Variants in GRIK2 observed in about 807,000 individuals in gnomAD.
The protein encoded by GRIK2 is glutamate receptor ionotropic, kainate 2.
In GRIK2, 32 loss-of-function variants were observed where a neutral mutation model predicts 100.3. That is an observed-to-expected ratio of 0.32 (90% CI 0.24 to 0.43). The LOEUF (loss-of-function observed/expected upper bound fraction) is 0.43, where lower values mean the gene tolerates loss of function less well. Ranked by LOEUF, GRIK2 falls within the 20% of genes least tolerant of loss-of-function variation. The probability of loss-of-function intolerance (pLI) is 1.00; values close to 1 mark genes in which losing one functional copy is unlikely to be tolerated. For missense variants in GRIK2, 843 were observed against 1,114.9 expected (o/e 0.76, Z 3.47); for synonymous variants, 417 against 389.4 (o/e 1.07, Z -0.83).
chr6:101,998,626 T>C (rs1582692382), intron 14 of GRIK2, among the ~76,000 whole-genome samples: 1 of 152,116 alleles, frequency 6.6e-6, no homozygotes, highest in East Asian at 1.9e-4. Flanking sequence ...GGTTCTAAGA[T>C]TCATTTTGAG....
intron 2 of GRIK2, among the ~76,000 whole-genome samples, chr6:101,480,253 A>G (rs1238797020): frequency 8.5e-5 from 13 of 152,184 alleles, no homozygotes; most frequent in Non-Finnish European, 2.9e-5. Flanking sequence ...TCTCAAGAGC[A>G]GTAAACTTTC....
chr6:101,718,209 C>T (rs905076354), intron 7 of GRIK2, among the ~76,000 whole-genome samples: 5 of 151,642 alleles, frequency 3.3e-5, no homozygotes, highest in Non-Finnish European at 5.9e-5. Context: ...ATTCTAGTTG[C>T]CCTTTAAGAA....
chr6:101,604,398 T>C (rs1779356093), intron 2 of GRIK2, among the ~76,000 whole-genome samples: 1 of 151,894 alleles, frequency 6.6e-6, no homozygotes, highest in Admixed American at 6.6e-5. Flanking sequence ...TTTGCCCTTC[T>C]GCAGTCATGA....
intron 2 of GRIK2, among the ~76,000 whole-genome samples, chr6:101,416,399 G>A (rs1776142151): frequency 6.6e-6 from 1 of 152,188 alleles, no homozygotes; most frequent in African/African-American, 2.4e-5. Flanking sequence ...TCTCCTCAGT[G>A]TCAGTACTGG....
At chr6:101,854,423 C>A (rs1024262350) in intron 10 of GRIK2, among the ~76,000 whole-genome samples, 3 of 152,026 alleles carry the variant, frequency 2.0e-5, no homozygotes, top group African/African-American at 7.2e-5. Flanking sequence ...CCACACCCGG[C>A]TAAGTTTTAT....
intron 2 of GRIK2, among the ~76,000 whole-genome samples, chr6:101,518,344 A>C (rs1774695053): frequency 6.6e-6 from 1 of 152,088 alleles, no homozygotes; most frequent in Non-Finnish European, 1.5e-5. Context: ...TTTCTTATGT[A>C]CTCTGAACTT....
chr6:101,805,643 T>C (rs114563432), intron 9 of GRIK2, among the ~76,000 whole-genome samples: 60 of 152,128 alleles, frequency 3.9e-4, no homozygotes, highest in African/African-American at 1.4e-3. Context: ...TATGCCCTCA[T>C]GAAGGTTATA....
At chr6:101,696,936 G>A (rs1772532805) in intron 7 of GRIK2, among the ~76,000 whole-genome samples, 1 of 151,866 alleles carries the variant, frequency 6.6e-6, no homozygotes, top group African/African-American at 2.4e-5. Context: ...TTTGGGTAAG[G>A]TGGTAGCTAG....
chr6:102,006,932 T>A (rs1474932093), intron 14 of GRIK2, among the ~76,000 whole-genome samples: 1 of 152,056 alleles, frequency 6.6e-6, no homozygotes, highest in African/African-American at 2.4e-5. Flanking sequence ...TGGAAATAAT[T>A]AATATTAATT....
chr6:101,969,773 A>G (rs1792923382), intron 14 of GRIK2, among the ~76,000 whole-genome samples: 1 of 152,066 alleles, frequency 6.6e-6, no homozygotes. Flanking sequence ...TAAAACATAA[A>G]TTGGAGTAAT....
At chr6:101,475,657 C>T (rs906494910) in intron 2 of GRIK2, among the ~76,000 whole-genome samples, 3 of 151,664 alleles carry the variant, frequency 2.0e-5, no homozygotes, top group Non-Finnish European at 4.4e-5. Context: ...ACTCTTTTTT[C>T]ATAATCAAAA....
chr6:101,456,717 T>A (rs1022160792), intron 2 of GRIK2, among the ~76,000 whole-genome samples: 1 of 151,836 alleles, frequency 6.6e-6, no homozygotes, highest in Non-Finnish European at 1.5e-5. Context: ...TAAAAAAGAA[T>A]GTAAGCTATG....
At chr6:101,499,849 G>A (rs955426810) in intron 2 of GRIK2, among the ~76,000 whole-genome samples, 4 of 152,158 alleles carry the variant, frequency 2.6e-5, no homozygotes, top group Admixed American at 2.0e-4. Context: ...TTGGCAATCA[G>A]TTGGTTTCCA....
chr6:102,001,300 T>C (rs1333736873), intron 14 of GRIK2, among the ~76,000 whole-genome samples: 2 of 151,784 alleles, frequency 1.3e-5, no homozygotes, highest in East Asian at 1.9e-4. Flanking sequence ...CAACCTGTCA[T>C]CTAGGTTTTA....
intron 7 of GRIK2, among the ~76,000 whole-genome samples, chr6:101,746,552 C>G (rs1258171782): frequency 6.6e-6 from 1 of 152,094 alleles, no homozygotes; most frequent in Non-Finnish European, 1.5e-5. Context: ...GTCTTGAACT[C>G]CTGACCTCAA....
chr6:102,022,889 A>C (rs549973252), intron 14 of GRIK2, among the ~76,000 whole-genome samples: 1 of 151,622 alleles, frequency 6.6e-6, no homozygotes, highest in African/African-American at 2.4e-5. Context: ...CTATCTTAAG[A>C]GTAACAGAGC....
intron 2 of GRIK2, among the ~76,000 whole-genome samples, chr6:101,615,673 G>A (rs1779859428): frequency 6.6e-6 from 1 of 151,520 alleles, no homozygotes; most frequent in African/African-American, 2.4e-5. Flanking sequence ...AATAATTCTA[G>A]GAGAAAACAG....
At chr6:102,048,830 A>G (rs1490588583) in intron 15 of GRIK2, among the ~76,000 whole-genome samples, 1 of 152,132 alleles carries the variant, frequency 6.6e-6, no homozygotes, top group Non-Finnish European at 1.5e-5. Flanking sequence ...AGCATGTAAT[A>G]TAATATAATT....
chr6:101,666,844 G>A (rs984301280), intron 4 of GRIK2, among the ~76,000 whole-genome samples: 44 of 152,092 alleles, frequency 2.9e-4, no homozygotes, highest in African/African-American at 1.0e-3. Flanking sequence ...AGATCAAGTA[G>A]GGCCTGTTGA....
Sources: allele counts gnomAD v4.1 joint callset (sites outside exome capture counted in the v4.1 genomes callset), GRCh38; gene constraint gnomAD v4.1.1; transcripts MANE v1.5; gene names NCBI Gene and HGNC (gene_info 2026-07-23, HGNC 2026-07-21).